ATAD3B: variants seen among roughly 807,000 people sequenced by gnomAD.
The protein encoded by ATAD3B is ATPase family AAA domain containing 3B.
A neutral mutation model predicts 70.2 loss-of-function variants in ATAD3B; 59 were observed. The observed-to-expected ratio is 0.84, with a 90% CI of 0.68 to 1.04. The LOEUF is 1.04. ATAD3B is among the 50% of genes least tolerant of loss of function. The pLI, the probability that ATAD3B is intolerant of heterozygous loss-of-function variation, is 0.00. For missense variants in ATAD3B, 961 were observed against 913.4 expected (o/e 1.05, Z -0.67); for synonymous variants, 423 against 388.6 (o/e 1.09, Z -1.04).
the ATAD3B span, among the ~76,000 whole-genome samples, chr1:1,506,407 T>C: frequency 1.4e-5 from 2 of 146,348 alleles, no homozygotes; most frequent in South Asian, 4.3e-4. Context: ...TCTGGTTTTC[T>C]TTTTTTTTTT....
the ATAD3B span, chr1:1,509,326 C>T: frequency 6.2e-7 from 1 of 1,611,988 alleles, no homozygotes; most frequent in Non-Finnish European, 8.5e-7. Flanking sequence ...AGGCCTGGGC[C>T]CGAGGACGAG....
At chr1:1,484,936 G>A (rs1216145313) in intron 7 of ATAD3B, 80 bp from the exon 8 acceptor site, 10 of 1,507,058 alleles carry the variant, frequency 6.6e-6, no homozygotes, top group Non-Finnish European at 8.9e-6. Context: ...GAGAGAGGGT[G>A]GGGGCAGCCC....
In ATAD3B at chr1:1,480,820, T is replaced by G. The variant is rs1329863674; in HGVS notation, c.445-47T>G. On this transcript the variant is annotated intron_variant, in intron 4 of 15. Coordinates refer to ENST00000673477, the MANE Select transcript of ATAD3B (RefSeq NM_031921.6). ...CAACCTCTGGATTGGTGTTGAGCAT[T>G]TTTCTGGTTTTAAAGGCTTTTCTCT... 2 of 1,593,152 alleles carry G rather than the reference T, an allele frequency of 1.3e-6. 1 individual carries two copies. Among genetic ancestry groups the G allele is most frequent in the East Asian group, 4.6e-5 (2 of 43,104 alleles).
At chr1:1,475,919 C>A (rs1367818010) in intron 1 of ATAD3B, among the ~76,000 whole-genome samples, 1 of 150,378 alleles carries the variant, frequency 6.6e-6, no homozygotes, top group Non-Finnish European at 1.5e-5. Flanking sequence ...AGCCAAAGGT[C>A]CCCTCGGGAG....
At chr1:1,485,938 T>G in intron 9 of ATAD3B, 100 bp downstream of exon 9, 2 of 1,600,358 alleles carry the variant, frequency 1.2e-6, no homozygotes, top group South Asian at 1.1e-5. Flanking sequence ...GCCCAGGAGC[T>G]TTTGGGTCCT....
At chr1:1,507,459 A>G in the ATAD3B span, among the ~76,000 whole-genome samples, 4 of 152,124 alleles carry the variant, frequency 2.6e-5, no homozygotes, top group Admixed American at 6.5e-5. Context: ...CTCTGCTAAT[A>G]TTGATTGCTT....
At chr1:1,477,153 C>T (rs1367429664) in intron 1 of ATAD3B, 121 bp from the exon 2 acceptor site, 13 of 1,321,086 alleles carry the variant, frequency 9.8e-6, no homozygotes, top group Middle Eastern at 2.5e-4. Context: ...GGATTACAGG[C>T]GTGAACCACC....
chr1:1,499,172 C>T (rs1006117485), downstream of ATAD3B, among the ~76,000 whole-genome samples: 4 of 151,328 alleles, frequency 2.6e-5, no homozygotes, highest in Non-Finnish European at 5.9e-5. Flanking sequence ...AGGGTTTCAC[C>T]GTGTTAGCCA....
At chr1:1,487,763 G>T in intron 11 of ATAD3B, 100 bp from the exon 12 acceptor site, 1 of 1,433,392 alleles carries the variant, frequency 7.0e-7, no homozygotes, top group South Asian at 1.1e-5. Context: ...CTGACCCCGT[G>T]GGGATCTGCC....
chr1:1,501,311 A>G (rs376672990), downstream of ATAD3B, among the ~76,000 whole-genome samples: 44 of 151,594 alleles, frequency 2.9e-4, no homozygotes, highest in African/African-American at 9.5e-4. Flanking sequence ...CTGGAGTGCA[A>G]TGGCACGATC....
intron 15 of ATAD3B, among the ~76,000 whole-genome samples, chr1:1,495,228 G>C (rs1211579405): frequency 6.6e-6 from 1 of 151,974 alleles, no homozygotes; most frequent in Admixed American, 6.6e-5. Context: ...GTGGTGCTCC[G>C]CCTTGGGTTT....
the ATAD3B span, among the ~76,000 whole-genome samples, chr1:1,505,320 A>C: frequency 6.6e-6 from 1 of 152,166 alleles, no homozygotes; most frequent in African/African-American, 2.4e-5. Flanking sequence ...AGAGACTTTT[A>C]GTACTTTCAC....
At chr1:1,472,802 G>A (rs898420700) in intron 1 of ATAD3B, among the ~76,000 whole-genome samples, 10 of 151,950 alleles carry the variant, frequency 6.6e-5, no homozygotes, top group Non-Finnish European at 1.3e-4. Context: ...AGAATACAGT[G>A]GTTCTCAACT....
chr1:1,488,021 C>A, intron 12 of ATAD3B, 107 bp downstream of exon 12: 1 of 1,465,736 alleles, frequency 6.8e-7, no homozygotes, highest in South Asian at 1.1e-5. Context: ...GTGGCGCAAT[C>A]TTGGCTCGCT....
In ATAD3B at chr1:1,480,811, G is replaced by A; in HGVS notation, c.445-56G>A. ...GGGCGGACGCAACCTCTGGATTGGT[G>A]TTGAGCATTTTTCTGGTTTTAAAGG... On this transcript the variant is annotated intron_variant, in intron 4 of 15. Coordinates refer to ENST00000673477, the MANE Select transcript of ATAD3B (RefSeq NM_031921.6). The A allele has an allele frequency of 5.7e-6, 9 of 1,592,878 alleles. 1 individual carries two copies. The South Asian group carries it at 1.0e-4, about 18-fold the overall frequency.
intron 15 of ATAD3B, among the ~76,000 whole-genome samples, chr1:1,491,226 G>C (rs1410535274): frequency 6.6e-6 from 1 of 152,020 alleles, no homozygotes; most frequent in Non-Finnish European, 1.5e-5. Flanking sequence ...CTGGAGTGTG[G>C]GCATGGCCAT....
At position 1,495,641 on chromosome 1, in the gene ATAD3B, G is replaced by A. The variant is rs777575157; in HGVS notation, c.1771G>A (p.Glu591Lys). The change falls in exon 16 of 16, where the codon GAG becomes AAG. Residue 591 changes from glutamate to lysine, a missense_variant. Physicochemically the swap from Glu to Lys is moderately conservative, Grantham distance 56. Transcript: ENST00000673477. ...GCACCCCCTATCCGGAGTCCAAGGC[G>A]AGACCCTCACCTCATGGAGCCTGGC... The part of the protein sequence containing the change: ...VEHPLSGVQG[E>K]TLTSWSLATD... 9.3e-6 allele frequency: 15 copies of A among 1,612,828 alleles called. No individual in the cohort carries two copies. Among genetic ancestry groups the A allele is most frequent in the South Asian group, 3.3e-5 (3 of 91,012 alleles).
At chr1:1,477,755 G>C (rs1190634625) in intron 2 of ATAD3B, among the ~76,000 whole-genome samples, 2 of 151,362 alleles carry the variant, frequency 1.3e-5, no homozygotes, top group African/African-American at 4.9e-5. Context: ...GCCTAGGCTG[G>C]AGTGCAATGG....
chr1:1,484,924 C>G (rs1016161139), intron 7 of ATAD3B, 92 bp from the exon 8 acceptor site: 44 of 1,491,482 alleles, frequency 3.0e-5, no homozygotes, highest in Non-Finnish European at 3.4e-5. Flanking sequence ...CTCCCTCAGG[C>G]GGAGAGAGGG....
Sources: allele counts gnomAD v4.1 joint callset (sites outside exome capture counted in the v4.1 genomes callset), GRCh38; gene constraint gnomAD v4.1.1; transcripts MANE v1.5; gene names NCBI Gene and HGNC (gene_info 2026-07-23, HGNC 2026-07-21).